The following HMGA2 variants were observed in gnomAD, a reference collection of about 807,000 sequenced individuals.
The protein encoded by HMGA2 is high mobility group AT-hook 2.
In HMGA2, 8 loss-of-function variants were observed where a neutral mutation model predicts 19.1. That is an observed-to-expected ratio of 0.42 (90% CI 0.25 to 0.76). The LOEUF is 0.76. Ranked by LOEUF, HMGA2 falls within the 30% of genes least tolerant of loss-of-function variation. HMGA2 has a pLI of 0.28. For synonymous variants in HMGA2, 60 were observed against 48.8 expected, an observed-to-expected ratio of 1.23 and a Z score of -0.96; for missense variants, 109 against 136.3, an observed-to-expected ratio of 0.80 and a Z score of 1.00.
intron 3 of HMGA2, among the ~76,000 whole-genome samples, chr12:65,909,546 T>G (rs919637036): frequency 2.0e-5 from 3 of 151,848 alleles, no homozygotes; most frequent in Non-Finnish European, 4.4e-5. Context: ...AAGCTAAGGG[T>G]GAAGTGGGAA....
At chr12:65,858,097 A>G (rs1391777135) in intron 3 of HMGA2, 2 of 152,660 alleles carry the variant, frequency 1.3e-5, no homozygotes, top group East Asian at 3.8e-4. Flanking sequence ...CCAGCCAGCC[A>G]TTAATTCTAA....
At chr12:65,905,436 T>A (rs1399218316) in intron 3 of HMGA2, among the ~76,000 whole-genome samples, 6 of 151,720 alleles carry the variant, frequency 4.0e-5, no homozygotes, top group African/African-American at 1.5e-4. Context: ...AAAAAGAAAA[T>A]GGAAAAAAAA....
At chr12:65,924,986 T>G (rs779852475) in intron 3 of HMGA2, among the ~76,000 whole-genome samples, 4 of 152,050 alleles carry the variant, frequency 2.6e-5, no homozygotes, top group Non-Finnish European at 5.9e-5. Flanking sequence ...GAGGTAAAAT[T>G]TAACAGAATA....
intron 3 of HMGA2, chr12:65,857,978 A>G (rs1404301231): frequency 6.5e-6 from 1 of 152,840 alleles, no homozygotes; most frequent in Non-Finnish European, 1.5e-5. Context: ...ATATATTGGA[A>G]CTGTGAGAAC....
intron 3 of HMGA2, among the ~76,000 whole-genome samples, chr12:65,951,106 G>A (rs891497008): frequency 1.3e-5 from 2 of 151,848 alleles, no homozygotes. Context: ...ATTTTTGTAT[G>A]TTTGTAGAGA....
chr12:65,847,436 G>A (rs1039878164), intron 3 of HMGA2, among the ~76,000 whole-genome samples: 1 of 152,132 alleles, frequency 6.6e-6, no homozygotes, highest in African/African-American at 2.4e-5. Flanking sequence ...AGGTCTTATA[G>A]CAACTTAATT....
At chr12:65,834,101 A>G (rs1238168638) in intron 2 of HMGA2, among the ~76,000 whole-genome samples, 1 of 152,192 alleles carries the variant, frequency 6.6e-6, no homozygotes, top group African/African-American at 2.4e-5. Context: ...ACTCTGGTAA[A>G]TGGTAGCACC....
chr12:65,878,564 T>G (rs1017374355), intron 3 of HMGA2, among the ~76,000 whole-genome samples: 6 of 152,180 alleles, frequency 3.9e-5, no homozygotes, highest in Non-Finnish European at 7.4e-5. Flanking sequence ...GACATCAAAG[T>G]TTCAACACAT....
intron 3 of HMGA2, among the ~76,000 whole-genome samples, chr12:65,914,522 T>C (rs1027005150): frequency 2.7e-3 from 387 of 145,770 alleles, no homozygotes; most frequent in African/African-American, 8.6e-3. Context: ...AGGGATAGCA[T>C]TGGGAGAGAT....
chr12:65,946,114 A>C (rs925933544), intron 3 of HMGA2, among the ~76,000 whole-genome samples: 2 of 152,230 alleles, frequency 1.3e-5, no homozygotes, highest in Non-Finnish European at 2.9e-5. Flanking sequence ...TGTAACTCTC[A>C]TTGAGGAATT....
chr12:65,851,480 A>G (rs986861706), intron 3 of HMGA2: 2 of 267,294 alleles, frequency 7.5e-6, no homozygotes, highest in African/African-American at 4.6e-5. Flanking sequence ...GCACCATGGC[A>G]CTCCAGCCTG....
rs1235951615 is a variant in HMGA2 at position 65,825,467 on chromosome 12, G to A, written c.111+86G>A. On this transcript the variant is annotated intron_variant, in intron 1 of 4. Transcript: ENST00000403681. This position sits in a 1 kb window ranked among gnomAD's most constrained non-coding sequence, Gnocchi z 4.4. Reference sequence around the variant, plus strand: ...CACGCGCGGGGCGGCCGGAGTGCGGGAGCCCAGTCGCCGCGGCCGTCGCAC... The same window carrying A: ...CACGCGCGGGGCGGCCGGAGTGCGGAAGCCCAGTCGCCGCGGCCGTCGCAC... 13 of 920,866 alleles carry A rather than the reference G, an allele frequency of 1.4e-5. No individual in the cohort carries two copies. Among genetic ancestry groups the A allele is most frequent in the Non-Finnish European group, 1.9e-5 (13 of 684,272 alleles). The allele number at this position is 920,866 out of a possible 1,614,324, so 57.0% of individuals were successfully genotyped here.
intron 4 of HMGA2, chr12:65,956,121 T>G (rs1473533312): frequency 1.3e-5 from 2 of 152,212 alleles, no homozygotes; most frequent in Non-Finnish European, 2.9e-5. Context: ...TAGTTCATAA[T>G]AAATCAGACT....
chr12:65,853,723 C>CTAG (rs1344715685), intron 3 of HMGA2, among the ~76,000 whole-genome samples: 25 of 152,300 alleles, frequency 1.6e-4, no homozygotes, highest in South Asian at 6.2e-4. Context: ...ACAGGGGTCC[C>CTAG]ACCCTTCCTG....
chr12:65,852,464 C>G (rs112592053), intron 3 of HMGA2, among the ~76,000 whole-genome samples: 1 of 152,078 alleles, frequency 6.6e-6, no homozygotes, highest in Non-Finnish European at 1.5e-5. Context: ...GATTGCACCA[C>G]TGTACTCTGG....
At position 65,842,646 on chromosome 12, in the gene HMGA2, T is replaced by A; in HGVS notation, c.249+4077T>A. The A allele has an allele frequency of 3.3e-6, 5 of 1,534,878 alleles. No individual in the cohort carries two copies. The South Asian group carries it at 6.0e-5, about 18-fold the overall frequency. Reference sequence around the variant, plus strand: ...TTCTTCCAATAGCAGAGATTTGGTGTCATGTGGTGTTCATCAGTTTGAAAA... The same window carrying A: ...TTCTTCCAATAGCAGAGATTTGGTGACATGTGGTGTTCATCAGTTTGAAAA... On this transcript the variant is annotated intron_variant, in intron 3 of 4. Coordinates refer to ENST00000403681, the MANE Select transcript of HMGA2 (RefSeq NM_003483.6).
chr12:65,910,824 G>A (rs906016466), intron 3 of HMGA2, among the ~76,000 whole-genome samples: 1 of 152,056 alleles, frequency 6.6e-6, no homozygotes, highest in African/African-American at 2.4e-5. Flanking sequence ...AAAAAAAGGG[G>A]GCTAAATACC....
intron 3 of HMGA2, among the ~76,000 whole-genome samples, chr12:65,950,822 T>C (rs1421609133): frequency 6.6e-6 from 1 of 152,268 alleles, no homozygotes; most frequent in Non-Finnish European, 1.5e-5. Flanking sequence ...ACAGTTAAGT[T>C]TCTTTCAAGC....
At chr12:65,912,385 T>G (rs753233896) in intron 3 of HMGA2, among the ~76,000 whole-genome samples, 2 of 152,068 alleles carry the variant, frequency 1.3e-5, no homozygotes, top group Non-Finnish European at 2.9e-5. Context: ...AATATGCAAA[T>G]GAAAGAAAGA....
Sources: gnomAD v4.1 joint callset for allele counts (sites outside exome capture counted in the v4.1 genomes callset) on GRCh38, gnomAD v4.1.1 for gene constraint, Gnocchi (gnomAD v3.1) non-coding constraint, MANE v1.5 for transcripts, NCBI Gene and HGNC (gene_info 2026-07-23, HGNC 2026-07-21) for gene names.